The following RBFOX1 variants were observed in gnomAD, a reference collection of about 807,000 sequenced individuals.
The protein encoded by RBFOX1 is RNA binding protein fox-1 homolog 1.
In RBFOX1, 8 loss-of-function variants were observed where a neutral mutation model predicts 57.7. The observed-to-expected ratio is 0.14, with a 90% confidence interval of 0.08 to 0.25. The LOEUF (loss-of-function observed/expected upper bound fraction) is 0.25. Ranked by LOEUF, RBFOX1 falls within the 10% of genes least tolerant of loss-of-function variation. The probability of loss-of-function intolerance (pLI) is 1.00; values close to 1 mark genes in which losing one functional copy is unlikely to be tolerated. For synonymous variants in RBFOX1, 326 were observed against 222.4 expected, an observed-to-expected ratio of 1.47 and a Z score of -4.15; for missense variants, 611 against 548.5, an observed-to-expected ratio of 1.11 and a Z score of -1.14.
At chr16:5,247,828 A>G (rs1335889736) in intron 1 of RBFOX1, among the ~76,000 whole-genome samples, 1 of 152,204 alleles carries the variant, frequency 6.6e-6, no homozygotes, top group African/African-American at 2.4e-5. Context: ...CCAGGCGGCC[A>G]TGAGTCCAGC....
intron 1 of RBFOX1, among the ~76,000 whole-genome samples, chr16:6,113,903 A>C (rs760394981): frequency 1.3e-5 from 2 of 152,196 alleles, no homozygotes; most frequent in Non-Finnish European, 2.9e-5. Flanking sequence ...CCACCGGCAT[A>C]ATAATGACAT....
At chr16:5,682,177 C>T (rs972835629) in intron 3 of RBFOX1, among the ~76,000 whole-genome samples, 1 of 152,172 alleles carries the variant, frequency 6.6e-6, no homozygotes, top group Non-Finnish European at 1.5e-5. Flanking sequence ...ATGATTGCTC[C>T]TGCTGGCTTT....
At chr16:5,706,363 C>T (rs964502567) in intron 3 of RBFOX1, among the ~76,000 whole-genome samples, 1 of 152,182 alleles carries the variant, frequency 6.6e-6, no homozygotes, top group Non-Finnish European at 1.5e-5. Context: ...AAGCTGATTT[C>T]AAGGTGTCGA....
intron 2 of RBFOX1, among the ~76,000 whole-genome samples, chr16:6,584,267 C>G (rs2097575314): frequency 6.6e-6 from 1 of 151,372 alleles, no homozygotes; most frequent in Non-Finnish European, 1.5e-5. Flanking sequence ...TCAAACCACA[C>G]TTTCACTATT....
At position 6,845,476 on chromosome 16, in the gene RBFOX1, G is replaced by T. The variant is rs148622471; in HGVS notation, c.-16+190826G>T. On this transcript the variant is annotated intron_variant, in intron 3 of 15. Coordinates refer to ENST00000550418, the MANE Select transcript of RBFOX1 (RefSeq NM_018723.4). ...GCTTGTTTTTGTCAGGTTTGTCAAA[G>T]ATCAGATGGATGGGGGTGTGCAGTC... Among the ~76,000 whole-genome samples the T allele has an allele frequency of 7.5e-3, 1,148 of 152,268 alleles. 12 individuals are homozygous for T. Among genetic ancestry groups the T allele is most frequent in the African/African-American group, 0.026 (1,077 of 41,562 alleles).
intron 4 of RBFOX1, among the ~76,000 whole-genome samples, chr16:7,054,232 G>GGGGGGTT (rs2051202151): frequency 3.1e-5 from 1 of 32,700 alleles, no homozygotes; most frequent in African/African-American, 1.6e-4. Flanking sequence ...GGGGCGGGGA[G>GGGGGGTT]CTTTTTTTTT....
intron 1 of RBFOX1, among the ~76,000 whole-genome samples, chr16:6,189,085 T>G (rs1036785804): frequency 1.1e-4 from 16 of 152,342 alleles, no homozygotes; most frequent in Admixed American, 8.5e-4. Flanking sequence ...AGATGACCTC[T>G]GAAAATTACC....
intron 14 of RBFOX1, among the ~76,000 whole-genome samples, chr16:7,703,686 G>C (rs1011251803): frequency 6.6e-6 from 1 of 152,098 alleles, no homozygotes; most frequent in Non-Finnish European, 1.5e-5. Context: ...TCTTGCTAAC[G>C]TGTCTCAGTA....
At chr16:5,651,114 G>T (rs1198027805) in intron 3 of RBFOX1, among the ~76,000 whole-genome samples, 1 of 130,872 alleles carries the variant, frequency 7.6e-6, no homozygotes, top group South Asian at 2.4e-4. Context: ...GTGCAGTGGC[G>T]TGATCTCAGG....
chr16:7,653,763 G>C, intron 11 of RBFOX1, 52 bp from the exon 12 acceptor site: 1 of 1,598,270 alleles, frequency 6.3e-7, no homozygotes, highest in Non-Finnish European at 8.5e-7. Flanking sequence ...CCACAGCAGG[G>C]TGTGCATCTG....
At chr16:6,500,889 T>TGTTTGG (rs1313041982) in intron 2 of RBFOX1, among the ~76,000 whole-genome samples, 2 of 142,120 alleles carry the variant, frequency 1.4e-5, no homozygotes, top group Non-Finnish European at 3.1e-5. Context: ...TTTTTTTTTT[T>TGTTTGG]TTTTTTTTTT....
intron 1 of RBFOX1, among the ~76,000 whole-genome samples, chr16:5,350,517 G>A (rs2065239302): frequency 6.6e-6 from 1 of 152,168 alleles, no homozygotes; most frequent in East Asian, 1.9e-4. Flanking sequence ...TTTGTTGGAT[G>A]TATGTGTCTT....
At chr16:6,620,974 C>T (rs777096190) in intron 2 of RBFOX1, among the ~76,000 whole-genome samples, 2 of 152,278 alleles carry the variant, frequency 1.3e-5, no homozygotes, top group East Asian at 1.9e-4. Context: ...AGTCTGAAAT[C>T]AGGATGTCAG....
chr16:5,347,573 C>T (rs180775080), intron 1 of RBFOX1, among the ~76,000 whole-genome samples: 10 of 152,198 alleles, frequency 6.6e-5, no homozygotes, highest in East Asian at 3.9e-4. Flanking sequence ...TCCTTCCACT[C>T]GTCTGTCCGT....
chr16:6,408,137 T>G (rs1262089190), intron 2 of RBFOX1, among the ~76,000 whole-genome samples: 1 of 152,156 alleles, frequency 6.6e-6, no homozygotes, highest in East Asian at 1.9e-4. Flanking sequence ...TGGACTTCCC[T>G]GCCTCCAGAA....
At chr16:7,249,602 A>T (rs1015277247) in intron 4 of RBFOX1, among the ~76,000 whole-genome samples, 2 of 73,590 alleles carry the variant, frequency 2.7e-5, no homozygotes, top group Non-Finnish European at 4.8e-5. Context: ...TTCTTTCTTT[A>T]AAAAAAAAAA....
At chr16:6,666,914 C>T (rs141394691) in intron 3 of RBFOX1, among the ~76,000 whole-genome samples, 201 of 152,258 alleles carry the variant, frequency 1.3e-3, no homozygotes, top group African/African-American at 4.5e-3. Context: ...AAAATGCTCA[C>T]GGTTCCAAGC....
intron 1 of RBFOX1, among the ~76,000 whole-genome samples, chr16:5,261,551 T>TTC (rs2151099770): frequency 9.9e-6 from 1 of 101,130 alleles, no homozygotes; most frequent in Admixed American, 9.0e-5. Flanking sequence ...TGTGTATGGT[T>TTC]TTTTTTTTTT....
chr16:7,250,033 T>C (rs1483013926), intron 4 of RBFOX1, among the ~76,000 whole-genome samples: 1 of 152,238 alleles, frequency 6.6e-6, no homozygotes, highest in African/African-American at 2.4e-5. Context: ...CTATTTGTTT[T>C]GCACGTATTT....
Sources: allele counts gnomAD v4.1 joint callset (sites outside exome capture counted in the v4.1 genomes callset), GRCh38; gene constraint gnomAD v4.1.1; transcripts MANE v1.5; gene names NCBI Gene and HGNC (gene_info 2026-07-23, HGNC 2026-07-21).